Variants in ASPSCR1 observed in about 807,000 individuals in gnomAD.
The protein encoded by ASPSCR1 is tether containing UBX domain for GLUT4.
A neutral mutation model predicts 68.9 loss-of-function variants in ASPSCR1; 55 were observed. The observed-to-expected ratio is 0.80, with a 90% CI of 0.64 to 1.00. The LOEUF is 1.00. ASPSCR1 is among the 50% of genes least tolerant of loss of function. The probability of loss-of-function intolerance (pLI) is 0.00; values close to 1 mark genes in which losing one functional copy is unlikely to be tolerated. For synonymous variants in ASPSCR1, 352 were observed against 332.6 expected (o/e 1.06, Z -0.63); for missense variants, 765 against 762.2 (o/e 1.00, Z -0.04).
intron 7 of ASPSCR1, among the ~76,000 whole-genome samples, chr17:82,003,734 C>T (rs1042693895): frequency 6.6e-6 from 1 of 152,388 alleles, no homozygotes; most frequent in East Asian, 1.9e-4. Context: ...CTGTCCACGC[C>T]GGTCGCAGCG....
intron 11 of ASPSCR1, 145 bp from the exon 12 acceptor site, chr17:82,012,086 G>T: frequency 7.1e-6 from 7 of 990,538 alleles, no homozygotes; most frequent in Non-Finnish European, 6.3e-6. Flanking sequence ...TTCTGCAGCA[G>T]GAGTGTGGGC....
chr17:82,009,630 G>A (rs369503779), intron 9 of ASPSCR1, 63 bp downstream of exon 9: 10,371 of 323,406 alleles, frequency 0.032, 7 homozygotes, highest in African/African-American at 0.058. Flanking sequence ...CGTGAGGTCT[G>A]TGGACGGGAT....
chr17:82,010,267 C>T (rs543842368), intron 9 of ASPSCR1, among the ~76,000 whole-genome samples: 74 of 150,814 alleles, frequency 4.9e-4, no homozygotes, highest in African/African-American at 1.6e-3. Context: ...TGGTGGCTCA[C>T]GCCTGTAATC....
At position 81,979,249 on chromosome 17, in the gene ASPSCR1, C is replaced by T; in HGVS notation, c.158+10C>T. The T allele has an allele frequency of 6.2e-7, 1 of 1,613,512 alleles. No homozygotes were observed. Among genetic ancestry groups the T allele is most frequent in the Middle Eastern group, 1.7e-4 (1 of 6,060 alleles). ...GTGAATATGATCTGAAGTGAGTTTG[C>T]TCCAGCTCAGCAGCAGGGTCTGAGT... is the stretch of plus-strand genomic sequence containing the variant. On this transcript the variant is annotated intron_variant, in intron 2 of 15. Coordinates refer to ENST00000306739, the MANE Select transcript of ASPSCR1 (RefSeq NM_024083.4).
At chr17:81,982,940 A>T (rs1598385351) in intron 2 of ASPSCR1, among the ~76,000 whole-genome samples, 9 of 152,212 alleles carry the variant, frequency 5.9e-5, no homozygotes, top group African/African-American at 2.2e-4. Context: ...CAGCCTCCCG[A>T]GTAGCTGGGA....
Position 81,996,274 on chromosome 17 carries a change from C to G in ASPSCR1, c.507-146C>G, listed in dbSNP as rs1199020331. 7.1e-6 allele frequency: 10 copies of G among 1,410,004 alleles called. No homozygotes were observed. The East Asian group carries it at 2.0e-4, about 29-fold the overall frequency. The allele number at this position is 1,410,004 out of a possible 1,614,324, so 87.3% of individuals were successfully genotyped here. A position where few individuals can be genotyped will look rare whatever the true frequency, so the allele number is the denominator to read the frequency against. Reference sequence around the variant, plus strand: ...TGTGTCCCCCAGAGGGGCGGTGGATCTTGGGAGGGCGCATGGGGCAGGAGA... The same window carrying G: ...TGTGTCCCCCAGAGGGGCGGTGGATGTTGGGAGGGCGCATGGGGCAGGAGA... On this transcript the variant is annotated intron_variant, in intron 6 of 15. Coordinates refer to ENST00000306739, the MANE Select transcript of ASPSCR1 (RefSeq NM_024083.4).
rs201380867 is a variant in ASPSCR1 at position 81,996,624 on chromosome 17, C to T, written c.711C>T (p.Pro237=). Residue 237 remains proline, a synonymous_variant, in exon 7 of 16, where the codon CCC becomes CCT. Transcript: ENST00000306739. ...AGGAGAAGCAGAGCACAAGGGCACC[C>T]GCAGCTGCCCCCTTTGTTCCTTTCT... is the stretch of plus-strand genomic sequence containing the variant. ...HTQEKQSTRA[P]AAAPFVPFSG... is the part of the protein sequence containing the mutation. 57 of 1,611,530 alleles carry T rather than the reference C, an allele frequency of 3.5e-5. No homozygotes were observed. Among genetic ancestry groups the T allele is most frequent in the Non-Finnish European group, 4.2e-5 (49 of 1,178,570 alleles).
In ASPSCR1 at chr17:82,011,587, G is replaced by A. The variant is rs370514086; in HGVS notation, c.1282G>A (p.Glu428Lys). Residue 428 changes from glutamate to lysine, a missense_variant, in exon 11 of 16, where the codon GAG (glutamate) becomes AAG (lysine). By Grantham distance (56) the Glu-to-Lys change is moderately conservative. Coordinates refer to ENST00000306739, the MANE Select transcript of ASPSCR1 (RefSeq NM_024083.4). ...CGTGAGGAGCCACCTGGGGAACCCCGAGCTGTCATTTTACCTGTGTACGTT... is the reference window on the plus strand; with the variant it reads ...CGTGAGGAGCCACCTGGGGAACCCCAAGCTGTCATTTTACCTGTGTACGTT... ...DFVRSHLGNP[E>K]LSFYLFITPP... 42 of 1,591,676 alleles carry A rather than the reference G, an allele frequency of 2.6e-5. No homozygotes were observed. Among genetic ancestry groups the A allele is most frequent in the African/African-American group, 1.8e-4 (13 of 73,028 alleles).
intron 4 of ASPSCR1, among the ~76,000 whole-genome samples, chr17:81,993,400 A>G (rs2042235084): frequency 6.6e-6 from 1 of 152,044 alleles, no homozygotes; most frequent in Non-Finnish European, 1.5e-5. Flanking sequence ...TTTTTAGTAG[A>G]GACGGGGTTT....
At chr17:81,985,380 G>T in intron 3 of ASPSCR1, 127 bp from the exon 4 acceptor site, 1 of 920,624 alleles carries the variant, frequency 1.1e-6, no homozygotes, top group Non-Finnish European at 1.7e-6. Flanking sequence ...TCTCCGTGGG[G>T]GTCAGCCTCT....
rs560433403 is a variant in ASPSCR1, at chr17:81,985,454, A to T, written c.274-53A>T. The T allele has an allele frequency of 3.1e-5, 48 of 1,564,044 alleles. No homozygotes were observed. In the African/African-American group the frequency reaches 4.7e-4, roughly 15 times the overall value. Reference sequence around the variant, plus strand: ...CTGGAGAATCAGTCTGGGATTTAGAAGGAATAGTTGCTTTTCTTCCTAAGG... The same window carrying T: ...CTGGAGAATCAGTCTGGGATTTAGATGGAATAGTTGCTTTTCTTCCTAAGG... On this transcript the variant is annotated intron_variant, in intron 3 of 15. Transcript: ENST00000306739.
chr17:82,012,192 C>G (rs777110091), intron 11 of ASPSCR1, 39 bp from the exon 12 acceptor site: 21 of 1,601,992 alleles, frequency 1.3e-5, no homozygotes, highest in Non-Finnish European at 1.8e-5. Context: ...GGGCGAGGTC[C>G]ACGGTGCTTC....
chr17:81,992,754 G>A (rs887190468), intron 4 of ASPSCR1, among the ~76,000 whole-genome samples: 9 of 152,242 alleles, frequency 5.9e-5, no homozygotes, highest in African/African-American at 2.2e-4. Context: ...CCTCTGGGCC[G>A]AGTCTCCAGC....
In ASPSCR1 at chr17:81,979,189, G is replaced by A; in HGVS notation, c.108G>A (p.Leu36=). The A allele has an allele frequency of 6.2e-7, 1 of 1,614,080 alleles. No homozygotes were observed. The highest frequency in any genetic ancestry group is 8.5e-7 in the Non-Finnish European group (1 of 1,179,990). The change falls in exon 2 of 16, where the codon CTG becomes CTA. Residue 36 remains leucine (L), a synonymous_variant. Coordinates refer to ENST00000306739, the MANE Select transcript of ASPSCR1 (RefSeq NM_024083.4). ...VTPSTVLLQV[L]EDTCRRQDFN... The stretch of plus-strand genomic sequence containing the variant: ...TCCTTTCATCTCACCCCCAGGTTCT[G>A]GAGGACACGTGCCGGCGGCAGGACT...
intron 2 of ASPSCR1, among the ~76,000 whole-genome samples, chr17:81,982,157 C>T (rs1308754958): frequency 4.6e-5 from 7 of 152,004 alleles, no homozygotes; most frequent in African/African-American, 1.7e-4. Context: ...TTAGTAGAGA[C>T]GGAGTTTCAC....
At position 82,009,469 on chromosome 17, in the gene ASPSCR1, T is replaced by G; in HGVS notation, c.1089-17T>G. 6.4e-7 allele frequency: 1 copy of G among 1,564,414 alleles called. No homozygotes were observed. The highest frequency in any genetic ancestry group is 8.7e-7 in the Non-Finnish European group (1 of 1,154,386). The stretch of plus-strand genomic sequence containing the variant: ...CATTCTGACCAGAAGCCCTGTTCCT[T>G]CCCCTCCTCACCACAGGAAGCGCCT... On this transcript the variant is annotated splice_polypyrimidine_tract_variant and intron_variant, in intron 8 of 15. Transcript: ENST00000306739.
chr17:82,009,203 C>A lies in ASPSCR1; in HGVS notation c.1088+12C>A, dbSNP rs1441145752. 6.3e-7 allele frequency: 1 copy of A among 1,593,710 alleles called. No individual in the cohort carries two copies. The highest frequency in any genetic ancestry group is 1.7e-5 in the Admixed American group (1 of 58,052). On this transcript the variant is annotated intron_variant, in intron 8 of 15. Transcript: ENST00000306739. The stretch of plus-strand genomic sequence containing the variant: ...CTCAAGAGTGAGCGGTGGGTGCCCC[C>A]TCAGTGCCTCCCGGCATCTTCGCGC...
intron 2 of ASPSCR1, among the ~76,000 whole-genome samples, chr17:81,982,246 G>A (rs570000731): frequency 9.9e-4 from 151 of 152,392 alleles, no homozygotes; most frequent in African/African-American, 3.4e-3. Flanking sequence ...TGGGATTACA[G>A]GCATGAGCCA....
rs554832791 is a variant in ASPSCR1, at chr17:81,997,164, C to T, written c.933+318C>T. ...AGGCCGTGTTGGCTCCATGACAAGG[C>T]GGCAACTGTGTCAGCTCCGTGTTGG... is the stretch of plus-strand genomic sequence containing the variant. On this transcript the variant is annotated intron_variant, in intron 7 of 15. Coordinates refer to ENST00000306739, the MANE Select transcript of ASPSCR1 (RefSeq NM_024083.4). Among the ~76,000 whole-genome samples, 8 of 152,208 alleles carry T rather than the reference C, an allele frequency of 5.3e-5. No homozygotes were observed. The South Asian group carries it at 6.2e-4, about 12-fold the overall frequency.
Sources: gnomAD v4.1 joint callset for allele counts (sites outside exome capture counted in the v4.1 genomes callset) on GRCh38, gnomAD v4.1.1 for gene constraint, MANE v1.5 for transcripts, NCBI Gene and HGNC (gene_info 2026-07-23, HGNC 2026-07-21) for gene names.